Variants in MTUS1 observed in about 807,000 individuals in gnomAD.
MTUS1 encodes the protein microtubule associated scaffold protein 1, also known as microtubule-associated tumor suppressor 1.
In MTUS1, 109 loss-of-function variants were observed where a neutral mutation model predicts 120.8. The ratio of observed to expected loss-of-function variants is 0.90; its 90% CI spans 0.77 to 1.06. The LOEUF is 1.06. MTUS1 is among the 50% of genes least tolerant of loss of function. MTUS1 has a pLI of 0.00. For missense variants in MTUS1, 2,210 were observed against 1,486.3 expected, an observed-to-expected ratio of 1.49 and a Z score of -8.01; for synonymous variants, 737 against 550.5, an observed-to-expected ratio of 1.34 and a Z score of -4.74.
At chr8:17,798,280 C>A (rs1453422482) in intron 1 of MTUS1, among the ~76,000 whole-genome samples, 1 of 152,084 alleles carries the variant, frequency 6.6e-6, no homozygotes, top group African/African-American at 2.4e-5. Flanking sequence ...AGTCTCTAAC[C>A]CAAGATATGG....
intron 3 of MTUS1, among the ~76,000 whole-genome samples, chr8:17,736,877 G>A (rs926903327): frequency 1.3e-5 from 2 of 152,084 alleles, no homozygotes; most frequent in Non-Finnish European, 2.9e-5. Flanking sequence ...GAGCCACCAT[G>A]TTTGGCTCTT....
chr8:17,692,296 G>A (rs1817100748), intron 6 of MTUS1: 1 of 152,164 alleles, frequency 6.6e-6, no homozygotes, highest in Non-Finnish European at 1.5e-5. Context: ...TGAGACGGAA[G>A]CTTAAGCGAC....
rs550178014 is a variant in MTUS1 at position 17,701,714 on chromosome 8, A to AT, written c.2623+11499dup. On this transcript the variant is annotated intron_variant, in intron 6 of 14. Transcript: ENST00000693296. ...AGGCGCCCGCCACCACGCCTGACTA[A>AT]TTTTTTTTGTATTTTTAGTAGAGAC... Among the ~76,000 whole-genome samples the AT allele has an allele frequency of 4.3e-3, 647 of 151,650 alleles. 6 individuals carry two copies. The highest frequency in any genetic ancestry group is 0.015 in the African/African-American group (606 of 41,360).
At chr8:17,675,959 C>A (rs17125083) in intron 7 of MTUS1, 158,579 of 251,002 alleles carry the variant, frequency 0.63, 52,611 homozygotes, top group East Asian at 0.8. Context: ...CCAGCAACTC[C>A]CGGCAATCAC....
intron 14 of MTUS1, 24 bp downstream of exon 14, chr8:17,646,958 G>T (rs368175297): frequency 2.5e-6 from 4 of 1,581,574 alleles, no homozygotes; most frequent in Middle Eastern, 1.7e-4. Context: ...GAGCTCGGGA[G>T]AAACAGCACT....
chr8:17,721,723 G>GT, intron 4 of MTUS1: 2 of 1,567,710 alleles, frequency 1.3e-6, no homozygotes, highest in Non-Finnish European at 1.7e-6. Context: ...TTTTTTCCCA[G>GT]TAAACGTGGC....
chr8:17,651,198 T>C (rs1585398069), intron 12 of MTUS1, among the ~76,000 whole-genome samples: 1 of 150,120 alleles, frequency 6.7e-6, no homozygotes, highest in South Asian at 2.2e-4. Flanking sequence ...TGGTGGGAGG[T>C]GGGGTGGGGT....
At chr8:17,679,515 A>ATT (rs796625369) in intron 7 of MTUS1, among the ~76,000 whole-genome samples, 1 of 37,052 alleles carries the variant, frequency 2.7e-5, no homozygotes, top group Non-Finnish European at 1.1e-4. Context: ...TTATTTATTT[A>ATT]TTTTTTGAGA....
At chr8:17,774,225 A>G (rs2050231361) in intron 1 of MTUS1, among the ~76,000 whole-genome samples, 1 of 152,158 alleles carries the variant, frequency 6.6e-6, no homozygotes, top group African/African-American at 2.4e-5. Flanking sequence ...ACCCATTTAA[A>G]CCACAATGCA....
intron 3 of MTUS1, among the ~76,000 whole-genome samples, chr8:17,741,401 C>T (rs2047308004): frequency 6.6e-6 from 1 of 152,180 alleles, no homozygotes; most frequent in African/African-American, 2.4e-5. Context: ...CAGAATGTTT[C>T]CAGTTACATT....
rs1296959818 is a variant in MTUS1, at chr8:17,644,518, A to G, written c.*1408T>C. On this transcript the variant is annotated 3_prime_UTR_variant, in exon 15 of 15. Coordinates refer to ENST00000693296, the MANE Select transcript of MTUS1 (RefSeq NM_001363059.2). ...TTAGGGGAGGTAATAAGTTTTGGAA[A>G]GAAACTGAAATGCAACCTGGAGGAG... is the stretch of plus-strand genomic sequence containing the variant. 6.6e-6 allele frequency: 1 copy of G among 152,562 alleles called. No homozygotes were observed. The highest frequency in any genetic ancestry group is 1.5e-5 in the Non-Finnish European group (1 of 68,046). 9.5% of individuals were successfully genotyped at this position (152,562 alleles called of 1,614,324 possible).
In MTUS1 at chr8:17,645,941, G is replaced by C. The variant is rs1563547873; in HGVS notation, c.3798C>G (p.Ser1266Arg). The C allele has an allele frequency of 1.2e-6, 2 of 1,611,802 alleles. No individual in the cohort carries two copies. The highest frequency in any genetic ancestry group is 1.1e-5 in the South Asian group (1 of 90,626). Residue 1266 changes from serine (S) to arginine (R), a missense_variant, in exon 15 of 15, where the codon AGC becomes AGG. By Grantham distance (110) the Ser-to-Arg change is moderately radical. Transcript: ENST00000693296. Reference protein sequence around the residue: ...PRNSGSFPSPSISPR With the variant: ...PRNSGSFPSPRISPR The stretch of plus-strand genomic sequence containing the variant: ...TGGGGAGGTGTCATCTGGGTGAAAT[G>C]CTGGGGCTAGGGAAGGAGCCCGAAT...
chr8:17,746,783 T>A (rs955943235), intron 2 of MTUS1, among the ~76,000 whole-genome samples: 5 of 152,204 alleles, frequency 3.3e-5, no homozygotes, highest in African/African-American at 1.2e-4. Flanking sequence ...TATGTATCAA[T>A]TCACTTAACC....
At chr8:17,778,025 G>A (rs2050590594) in intron 1 of MTUS1, among the ~76,000 whole-genome samples, 1 of 152,184 alleles carries the variant, frequency 6.6e-6, no homozygotes, top group Non-Finnish European at 1.5e-5. Flanking sequence ...AGATGTGGGT[G>A]GGGGTATGGA....
At chr8:17,779,786 G>A (rs1042234209) in intron 1 of MTUS1, among the ~76,000 whole-genome samples, 11 of 152,092 alleles carry the variant, frequency 7.2e-5, no homozygotes, top group African/African-American at 1.9e-4. Flanking sequence ...AAGTGTTGGA[G>A]GGGGGGCGGG....
chr8:17,714,805 T>C (rs1426801505), intron 5 of MTUS1, among the ~76,000 whole-genome samples: 1 of 151,714 alleles, frequency 6.6e-6, no homozygotes, highest in East Asian at 1.9e-4. Context: ...CTAACATAAA[T>C]GTGGGTCTCA....
In MTUS1 at chr8:17,715,590, T is replaced by C. The variant is rs563821666; in HGVS notation, c.2584+177A>G. ...CGTAATGATTTTTAACTATAGAACC[T>C]ACCAACTGTCAGAAAAACAATTTCC... On this transcript the variant is annotated intron_variant, in intron 5 of 14. Transcript: ENST00000693296. 3.3e-5 allele frequency among the ~76,000 whole-genome samples: 5 copies of C among 152,346 alleles called. No individual in the cohort carries two copies. The East Asian group carries it at 7.7e-4, about 23-fold the overall frequency.
chr8:17,751,992 C>G (rs554891728), intron 2 of MTUS1, among the ~76,000 whole-genome samples: 7 of 151,566 alleles, frequency 4.6e-5, no homozygotes, highest in African/African-American at 1.7e-4. Flanking sequence ...ATTATGAATC[C>G]TAACAGCCAG....
intron 8 of MTUS1, among the ~76,000 whole-genome samples, chr8:17,668,732 C>T (rs1811420492): frequency 6.6e-6 from 1 of 152,128 alleles, no homozygotes; most frequent in South Asian, 2.1e-4. Context: ...TTTGGGTCAA[C>T]TTGAATCACA....
Sources: gnomAD v4.1 joint callset for allele counts (sites outside exome capture counted in the v4.1 genomes callset) on GRCh38, gnomAD v4.1.1 for gene constraint, MANE v1.5 for transcripts, NCBI Gene and HGNC (gene_info 2026-07-23, HGNC 2026-07-21) for gene names.